The following AACS variants were observed in gnomAD, a reference collection of about 807,000 sequenced individuals.
The protein encoded by AACS is acetoacetate-CoA ligase.
In AACS, 69 loss-of-function variants were observed where a neutral mutation model predicts 83.1. The observed-to-expected ratio is 0.83, with a 90% CI of 0.68 to 1.01. AACS has a LOEUF of 1.01. Among genes scored for constraint, AACS ranks in the 50% least tolerant of loss-of-function variants. The pLI is 0.00. For missense variants in AACS, 866 were observed against 882.2 expected (o/e 0.98, Z 0.23); for synonymous variants, 333 against 343.4 (o/e 0.97, Z 0.33).
chr12:125,099,993 C>T (rs750808119), intron 5 of AACS, among the ~76,000 whole-genome samples: 20 of 151,880 alleles, frequency 1.3e-4, no homozygotes, highest in Admixed American at 2.6e-4. Flanking sequence ...ATTTTTTCTT[C>T]TTGACCAGAT....
chr12:125,078,073 C>G, intron 3 of AACS: 1 of 448,588 alleles, frequency 2.2e-6, no homozygotes, highest in Non-Finnish European at 4.5e-6. Flanking sequence ...AAATACTCAT[C>G]AGAAACTTCA....
rs1238144055 is a variant in AACS at position 125,073,806 on chromosome 12, G to A, written c.134-70G>A. 6.3e-6 allele frequency: 8 copies of A among 1,266,666 alleles called. No homozygotes were observed. In the Admixed American group the frequency reaches 1.2e-4, roughly 20 times the overall value. 78.5% of individuals were successfully genotyped at this position (1,266,666 alleles called of 1,614,324 possible). On this transcript the variant is annotated intron_variant, in intron 1 of 17. Transcript: ENST00000316519. ...CTTGGACATGCTCAAGGCTTCTGAG[G>A]TGTGTCCATCTTATTAATGGATTGC...
chr12:125,097,271 C>A lies in AACS; in HGVS notation c.571-5408C>A, dbSNP rs929941331. Among the ~76,000 whole-genome samples, 2 of 151,908 alleles carry A rather than the reference C, an allele frequency of 1.3e-5. No homozygotes were observed. The highest frequency in any genetic ancestry group is 2.4e-5 in the African/African-American group (1 of 41,324). ...GGAAATAGTCTTTGTCCACCAAGGA[C>A]GTCACTGAGGAAGGGGTACCGGGGG... On this transcript the variant is annotated intron_variant, in intron 5 of 17. Coordinates refer to ENST00000316519, the MANE Select transcript of AACS (RefSeq NM_023928.5). This position sits in a 1 kb window ranked among gnomAD's most constrained non-coding sequence, Gnocchi z 4.3.
chr12:125,073,719 C>T (rs1296515828), intron 1 of AACS, among the ~76,000 whole-genome samples, 157 bp from the exon 2 acceptor site: 3 of 152,234 alleles, frequency 2.0e-5, no homozygotes, highest in Middle Eastern at 3.4e-3. Context: ...GTTGGGTTTG[C>T]GTCAATACAA....
intron 12 of AACS, chr12:125,125,919 G>A (rs927383510): frequency 2.6e-5 from 4 of 151,616 alleles, no homozygotes; most frequent in Non-Finnish European, 4.4e-5. Flanking sequence ...ACTCATGTAT[G>A]TATATATATG....
In AACS at chr12:125,097,612, C is replaced by T. The variant is rs1187206818; in HGVS notation, c.571-5067C>T. ...CTCCTCCCGTGCCTTCCGCAGTGGC[C>T]AAGGTGTTCAGCTGGAGGAAGACCC... On this transcript the variant is annotated intron_variant, in intron 5 of 17. Coordinates refer to ENST00000316519, the MANE Select transcript of AACS (RefSeq NM_023928.5). The surrounding 1 kb of genome is among the most constrained non-coding windows in gnomAD (Gnocchi z 4.3). Among the ~76,000 whole-genome samples the T allele has an allele frequency of 6.6e-6, 1 of 152,074 alleles. No individual in the cohort carries two copies. Among genetic ancestry groups the T allele is most frequent in the Non-Finnish European group, 1.5e-5 (1 of 68,014 alleles).
chr12:125,078,878 T>G (rs892159224), intron 3 of AACS, among the ~76,000 whole-genome samples: 19 of 142,024 alleles, frequency 1.3e-4, no homozygotes, highest in Middle Eastern at 3.9e-3. Context: ...CTGCCTGCCC[T>G]GGGAGACGCT....
chr12:125,096,435 C>T (rs1956610163), intron 5 of AACS, among the ~76,000 whole-genome samples: 1 of 152,230 alleles, frequency 6.6e-6, no homozygotes, highest in Admixed American at 6.5e-5. Context: ...CCAGTGTAGA[C>T]ATGCCATTTG....
chr12:125,142,352 C>A lies in AACS; in HGVS notation c.*123C>A. On this transcript the variant is annotated 3_prime_UTR_variant, in exon 18 of 18. Transcript: ENST00000316519. Reference sequence around the variant, plus strand: ...ATGCTCGCACCAAGTGTTCTGTAGGCTTGGGGAGGGATCGTTTCTCTGTTT... The same window carrying A: ...ATGCTCGCACCAAGTGTTCTGTAGGATTGGGGAGGGATCGTTTCTCTGTTT... The A allele has an allele frequency of 7.4e-7, 1 of 1,349,142 alleles. No individual in the cohort carries two copies. The highest frequency in any genetic ancestry group is 1.0e-6 in the Non-Finnish European group (1 of 997,456). 83.6% of individuals were successfully genotyped at this position (1,349,142 alleles called of 1,614,324 possible). A position where few individuals can be genotyped will look rare whatever the true frequency, so the allele number is the denominator to read the frequency against.
chr12:125,080,545 G>T (rs936892012), intron 3 of AACS, among the ~76,000 whole-genome samples: 1 of 151,332 alleles, frequency 6.6e-6, no homozygotes, highest in Non-Finnish European at 1.5e-5. Context: ...TTTAAACCCG[G>T]CCCTGTCTCG....
chr12:125,083,574 A>T (rs748702073), intron 3 of AACS, among the ~76,000 whole-genome samples: 1 of 151,898 alleles, frequency 6.6e-6, no homozygotes, highest in Non-Finnish European at 1.5e-5. Flanking sequence ...CTGTACTATC[A>T]AAGTTTTTGA....
Position 125,094,708 on chromosome 12 carries a change from TC to T in AACS, c.570+3186del, listed in dbSNP as rs934775499. On this transcript the variant is annotated intron_variant, in intron 5 of 17. Coordinates refer to ENST00000316519, the MANE Select transcript of AACS (RefSeq NM_023928.5). The surrounding 1 kb of genome is among the most constrained non-coding windows in gnomAD (Gnocchi z 4.1). ...CTGCTCTCTGCTGGCTGCCTGGGCA[TC>T]TCAGCTTGCCTTACTAATGCTTTTG... is the stretch of plus-strand genomic sequence containing the variant. Among the ~76,000 whole-genome samples the T allele has an allele frequency of 3.3e-5, 5 of 152,318 alleles. 1 individual carries two copies. Among genetic ancestry groups the T allele is most frequent in the Non-Finnish European group, 1.5e-5 (1 of 68,014 alleles).
rs1404903251 is a variant in AACS, at chr12:125,107,709, C to T, written c.915+441C>T. ...GACGCAATGGCCCACACCTATAACC[C>T]CAGCACTTTGGGAACCTGAGGTGGG... On this transcript the variant is annotated intron_variant, in intron 8 of 17. Coordinates refer to ENST00000316519, the MANE Select transcript of AACS (RefSeq NM_023928.5). Among the ~76,000 whole-genome samples the T allele has an allele frequency of 3.3e-5, 5 of 152,312 alleles. No individual in the cohort carries two copies. The South Asian group carries it at 1.0e-3, about 32-fold the overall frequency.
In AACS at chr12:125,142,752, G is replaced by T. The variant is rs1033801428; in HGVS notation, c.*523G>T. 1 of 154,358 alleles carries T rather than the reference G, an allele frequency of 6.5e-6. No individual in the cohort carries two copies. The highest frequency in any genetic ancestry group is 2.4e-5 in the African/African-American group (1 of 41,452). The allele number at this position is 154,358 out of a possible 1,614,324, so 9.6% of individuals were successfully genotyped here. On this transcript the variant is annotated 3_prime_UTR_variant, in exon 18 of 18. Transcript: ENST00000316519. Reference sequence around the variant, plus strand: ...CTGGCTGCTAGGACCGGCGGGCTGGGTGTTCACGTGTGTCTGTGTCATGGA... The same window carrying T: ...CTGGCTGCTAGGACCGGCGGGCTGGTTGTTCACGTGTGTCTGTGTCATGGA...
intron 1 of AACS, among the ~76,000 whole-genome samples, chr12:125,068,008 C>A (rs1955751847): frequency 6.6e-6 from 1 of 152,202 alleles, no homozygotes; most frequent in Non-Finnish European, 1.5e-5. Context: ...CAGCTCTGCC[C>A]TGGGTCCCTG....
chr12:125,094,813 AG>A lies in AACS; in HGVS notation c.570+3292del, dbSNP rs1008531946. Among the ~76,000 whole-genome samples the A allele has an allele frequency of 1.3e-5, 2 of 152,140 alleles. No individual in the cohort carries two copies. Among genetic ancestry groups the A allele is most frequent in the African/African-American group, 4.8e-5 (2 of 41,422 alleles). On this transcript the variant is annotated intron_variant, in intron 5 of 17. Coordinates refer to ENST00000316519, the MANE Select transcript of AACS (RefSeq NM_023928.5). This position sits in a 1 kb window ranked among gnomAD's most constrained non-coding sequence, Gnocchi z 4.1. Reference sequence around the variant, plus strand: ...CCTTTCCAGCCCCAGCAAGATCTCTAGGTCCTGAGTCTTTTGATGGCTTTGG... The same window carrying A: ...CCTTTCCAGCCCCAGCAAGATCTCTAGTCCTGAGTCTTTTGATGGCTTTGG...
chr12:125,141,981 C>T, intron 17 of AACS, 111 bp from the exon 18 acceptor site: 2 of 1,405,846 alleles, frequency 1.4e-6, no homozygotes, highest in Non-Finnish European at 2.0e-6. Context: ...GACCCATTCA[C>T]TCTTGGCACT....
chr12:125,097,595 G>A lies in AACS; in HGVS notation c.571-5084G>A, dbSNP rs1383822399. Among the ~76,000 whole-genome samples, 3 of 152,060 alleles carry A rather than the reference G, an allele frequency of 2.0e-5. No homozygotes were observed. The highest frequency in any genetic ancestry group is 6.6e-5 in the Admixed American group (1 of 15,262). The stretch of plus-strand genomic sequence containing the variant: ...CTTGGCTTGGTCTGCGCCTCCTCCC[G>A]TGCCTTCCGCAGTGGCCAAGGTGTT... On this transcript the variant is annotated intron_variant, in intron 5 of 17. Coordinates refer to ENST00000316519, the MANE Select transcript of AACS (RefSeq NM_023928.5). This position sits in a 1 kb window ranked among gnomAD's most constrained non-coding sequence, Gnocchi z 4.3.
chr12:125,141,261 T>G (rs1957484447), intron 17 of AACS: 1 of 152,668 alleles, frequency 6.6e-6, no homozygotes, highest in Admixed American at 6.5e-5. Context: ...AGATACTCTT[T>G]TTTATATTCC....
Sources: allele counts gnomAD v4.1 joint callset (sites outside exome capture counted in the v4.1 genomes callset), GRCh38; gene constraint gnomAD v4.1.1; non-coding constraint Gnocchi (gnomAD v3.1); transcripts MANE v1.5; gene names NCBI Gene and HGNC (gene_info 2026-07-23, HGNC 2026-07-21).